The following DTD1 variants were observed in gnomAD, a reference collection of about 807,000 sequenced individuals.
DTD1 encodes the protein D-aminoacyl-tRNA deacylase 1.
Under a neutral mutation model 25.6 loss-of-function variants are expected in DTD1, and 13 were observed. The ratio of observed to expected loss-of-function variants is 0.51; its 90% CI spans 0.33 to 0.81. DTD1 has a LOEUF of 0.81. Among genes scored for constraint, DTD1 ranks in the 30% least tolerant of loss-of-function variants. The probability of loss-of-function intolerance (pLI) is 0.02; values close to 1 mark genes in which losing one functional copy is unlikely to be tolerated. For synonymous variants in DTD1, 110 were observed against 103.6 expected (o/e 1.06, Z -0.37); for missense variants, 193 against 266.4 (o/e 0.72, Z 1.92).
In DTD1 at chr20:18,649,326, CTTTTTTTTTTTT is replaced by C. The variant is rs55766733; in HGVS notation, c.477+21112_477+21123del. On this transcript the variant is annotated intron_variant, in intron 4 of 5. Coordinates refer to ENST00000377452, the MANE Select transcript of DTD1 (RefSeq NM_080820.6). ...TGGGCTTTCTCAGCCATTCATCTTT[CTTTTTTTTTTTT>C]TTTTTTTTTTTTTTTTTTGAGATGG... 2.2e-3 allele frequency among the ~76,000 whole-genome samples: 128 copies of C among 57,648 alleles called. 4 individuals carry two copies. The South Asian group carries it at 0.078, about 35-fold the overall frequency. 37.8% of individuals were successfully genotyped at this position (57,648 alleles called of 152,430 possible).
At chr20:18,662,040 T>C (rs949802917) in intron 4 of DTD1, among the ~76,000 whole-genome samples, 4 of 152,074 alleles carry the variant, frequency 2.6e-5, no homozygotes, top group Non-Finnish European at 5.9e-5. Flanking sequence ...TAGTCCTAGC[T>C]ACTTAGAAGG....
intron 4 of DTD1, among the ~76,000 whole-genome samples, chr20:18,634,889 G>A (rs955684530): frequency 1.3e-5 from 2 of 152,114 alleles, no homozygotes; most frequent in Non-Finnish European, 2.9e-5. Context: ...GTGCACAGAG[G>A]GGAGCTCTCA....
intron 4 of DTD1, among the ~76,000 whole-genome samples, chr20:18,692,890 AT>A (rs34962546): frequency 3.9e-3 from 435 of 112,446 alleles, no homozygotes; most frequent in African/African-American, 0.012. Flanking sequence ...CAGGACATGG[AT>A]TTTTTTTTTT....
At chr20:18,661,197 C>T (rs2060908435) in intron 4 of DTD1, among the ~76,000 whole-genome samples, 2 of 152,130 alleles carry the variant, frequency 1.3e-5, no homozygotes, top group South Asian at 4.1e-4. Context: ...CCACTTTATT[C>T]TCCTTTGTTA....
At chr20:18,680,911 A>G (rs1323803005) in intron 4 of DTD1, among the ~76,000 whole-genome samples, 2 of 152,206 alleles carry the variant, frequency 1.3e-5, no homozygotes, top group Non-Finnish European at 2.9e-5. Context: ...TATGAACCAT[A>G]AAAGTCTTCC....
intron 1 of DTD1, chr20:18,588,832 C>T: frequency 1.0e-6 from 1 of 985,398 alleles, no homozygotes; most frequent in Non-Finnish European, 1.2e-6. Context: ...GGTTGGGCAT[C>T]AGAGGTCCAG....
intron 4 of DTD1, among the ~76,000 whole-genome samples, chr20:18,651,696 G>C (rs575641075): frequency 1.3e-5 from 2 of 152,304 alleles, no homozygotes; most frequent in East Asian, 3.9e-4. Flanking sequence ...TTTTTCTGGA[G>C]AGTGGTCTGA....
intron 4 of DTD1, among the ~76,000 whole-genome samples, chr20:18,726,338 C>T (rs2122498750): frequency 6.6e-6 from 1 of 152,248 alleles, no homozygotes; most frequent in South Asian, 2.1e-4. Flanking sequence ...AATTGAAAAT[C>T]ACTCAATTTA....
intron 4 of DTD1, among the ~76,000 whole-genome samples, chr20:18,657,749 G>C (rs2122365428): frequency 6.6e-6 from 1 of 152,340 alleles, no homozygotes; most frequent in East Asian, 1.9e-4. Context: ...GTTTCTGTGA[G>C]CCAGGAATTC....
At chr20:18,589,021 C>A (rs1338019233) in intron 1 of DTD1, 1 of 401,424 alleles carries the variant, frequency 2.5e-6, no homozygotes, top group Non-Finnish European at 3.4e-6. Context: ...CAGTCTGCAC[C>A]AAATATGCGT....
At chr20:18,596,297 G>GA in intron 3 of DTD1, 56 bp downstream of exon 3, 2 of 1,445,406 alleles carry the variant, frequency 1.4e-6, no homozygotes, top group Non-Finnish European at 1.9e-6. Context: ...TGGATGGAGA[G>GA]AAAAAAGAAG....
chr20:18,675,398 C>G (rs1365699706), intron 4 of DTD1: 1 of 152,208 alleles, frequency 6.6e-6, no homozygotes, highest in Non-Finnish European at 1.5e-5. Context: ...GCAAACATAC[C>G]TTCCGGTTGC....
chr20:18,628,836 G>T (rs1444800886), intron 4 of DTD1, among the ~76,000 whole-genome samples: 1 of 152,130 alleles, frequency 6.6e-6, no homozygotes, highest in Non-Finnish European at 1.5e-5. Flanking sequence ...GACACGTAGG[G>T]CCTGGCAGGC....
chr20:18,690,784 C>T (rs975765745), intron 4 of DTD1, among the ~76,000 whole-genome samples: 3 of 151,936 alleles, frequency 2.0e-5, no homozygotes, highest in Non-Finnish European at 4.4e-5. Context: ...TGTGATGCCT[C>T]TGGCTTTGTT....
intron 4 of DTD1, among the ~76,000 whole-genome samples, chr20:18,638,252 A>C (rs2180602): frequency 1 from 151,971 of 152,164 alleles, 75,890 homozygotes; most frequent in Middle Eastern, 1. Flanking sequence ...CTACTCATCC[A>C]ATACCTTTAT....
intron 4 of DTD1, among the ~76,000 whole-genome samples, chr20:18,731,829 G>A (rs1288034067): frequency 6.6e-6 from 1 of 152,134 alleles, no homozygotes; most frequent in Non-Finnish European, 1.5e-5. Context: ...CTGTTGTTCA[G>A]CCTTTTGCTT....
chr20:18,659,960 A>G (rs2060903231), intron 4 of DTD1, among the ~76,000 whole-genome samples: 1 of 152,178 alleles, frequency 6.6e-6, no homozygotes, highest in Non-Finnish European at 1.5e-5. Context: ...CCAGCTGGGC[A>G]TGGTGGCTCA....
intron 4 of DTD1, among the ~76,000 whole-genome samples, chr20:18,691,634 G>A (rs554088119): frequency 3.0e-4 from 46 of 152,324 alleles, no homozygotes; most frequent in African/African-American, 8.9e-4. Flanking sequence ...GGAAGGGGAT[G>A]TGGGCTGAAA....
intron 4 of DTD1, among the ~76,000 whole-genome samples, chr20:18,743,335 A>C (rs2061285733): frequency 6.6e-6 from 1 of 152,328 alleles, no homozygotes; most frequent in Non-Finnish European, 1.5e-5. Context: ...AGTGTGCTTA[A>C]TGCACTTTGT....
Sources: gnomAD v4.1 joint callset for allele counts (sites outside exome capture counted in the v4.1 genomes callset) on GRCh38, gnomAD v4.1.1 for gene constraint, MANE v1.5 for transcripts, NCBI Gene and HGNC (gene_info 2026-07-23, HGNC 2026-07-21) for gene names.